Variants in PTGES3 observed in about 807,000 individuals in gnomAD.
PTGES3 encodes prostaglandin E synthase 3, also known as Hsp90 co-chaperone.
In PTGES3, 5 loss-of-function variants were observed where a neutral mutation model predicts 29.9. The ratio of observed to expected loss-of-function variants is 0.17; its 90% CI spans 0.09 to 0.35. The LOEUF is 0.35. Among genes scored for constraint, PTGES3 ranks in the 10% least tolerant of loss-of-function variants. The pLI, the probability that PTGES3 is intolerant of heterozygous loss-of-function variation, is 1.00. For synonymous variants in PTGES3, 49 were observed against 57.8 expected, an observed-to-expected ratio of 0.85 and a Z score of 0.69; for missense variants, 128 against 190.0, an observed-to-expected ratio of 0.67 and a Z score of 1.92.
intron 5 of PTGES3, among the ~76,000 whole-genome samples, chr12:56,668,994 C>T (rs1172381187): frequency 6.9e-6 from 1 of 145,748 alleles, no homozygotes; most frequent in Non-Finnish European, 1.5e-5. Context: ...TCATGGTAAA[C>T]ATTTCACCAT....
rs1325644863 is a variant in PTGES3, at chr12:56,687,143, T to TA, written c.2+854dup. ...AAAATGAAGACTGCCATAGAATCTG[T>TA]ATTCACCTCCACACAAATTTAAGAT... On this transcript the variant is annotated intron_variant, in intron 1 of 7. Transcript: ENST00000262033. 6 of 903,274 alleles carry TA rather than the reference T, an allele frequency of 6.6e-6. No homozygotes were observed. The East Asian group carries it at 2.5e-4, about 37-fold the overall frequency. The allele number at this position is 903,274 out of a possible 1,614,324, so 56.0% of individuals were successfully genotyped here.
Position 56,669,409 on chromosome 12 carries a change from G to A in PTGES3, c.375+866C>T, listed in dbSNP as rs570629348. 2.0e-5 allele frequency among the ~76,000 whole-genome samples: 3 copies of A among 152,156 alleles called. No homozygotes were observed. The South Asian group carries it at 6.2e-4, about 32-fold the overall frequency. ...CGCGATTCTCCTGCCTCAGCCTTCT[G>A]AGTAGCTGAGATTACAGGCGCCCGC... On this transcript the variant is annotated intron_variant, in intron 5 of 7. Transcript: ENST00000262033.
At chr12:56,679,107 AC>A (rs1336161232) in intron 1 of PTGES3, among the ~76,000 whole-genome samples, 3 of 152,040 alleles carry the variant, frequency 2.0e-5, no homozygotes, top group African/African-American at 7.2e-5. Context: ...ACATAGCAAG[AC>A]CCTGACTTAG....
chr12:56,684,166 C>T (rs952704086), intron 1 of PTGES3, among the ~76,000 whole-genome samples: 5 of 151,598 alleles, frequency 3.3e-5, no homozygotes, highest in African/African-American at 1.2e-4. Context: ...TTTTTTTTCC[C>T]CTGAAAAGAG....
chr12:56,665,238 A>G (rs1170932095), intron 6 of PTGES3: 3 of 984,866 alleles, frequency 3.0e-6, no homozygotes, highest in African/African-American at 3.5e-5. Flanking sequence ...AGATGTTGAG[A>G]AAAGTAGTTT....
At chr12:56,685,254 A>G (rs1952769597) in intron 1 of PTGES3, among the ~76,000 whole-genome samples, 1 of 152,210 alleles carries the variant, frequency 6.6e-6, no homozygotes, top group Non-Finnish European at 1.5e-5. Context: ...TAGCTTGTTA[A>G]GAGTCCCTGA....
At chr12:56,685,343 C>T (rs149251949) in intron 1 of PTGES3, among the ~76,000 whole-genome samples, 9 of 151,812 alleles carry the variant, frequency 5.9e-5, no homozygotes, top group Middle Eastern at 3.4e-3. Context: ...TCCCCCAGCC[C>T]AACACTCTTC....
intron 1 of PTGES3, among the ~76,000 whole-genome samples, chr12:56,684,350 A>C (rs1439583463): frequency 1.3e-5 from 2 of 152,224 alleles, no homozygotes; most frequent in African/African-American, 4.8e-5. Context: ...CACAGGAAGA[A>C]AAATTAAAAA....
intron 1 of PTGES3, among the ~76,000 whole-genome samples, chr12:56,679,050 T>C (rs1180779617): frequency 2.6e-5 from 4 of 152,006 alleles, no homozygotes. Flanking sequence ...ACAAGGAGTT[T>C]GAGGTTATAG....
At chr12:56,666,026 C>T in intron 6 of PTGES3, 178 bp downstream of exon 6, 1 of 1,374,642 alleles carries the variant, frequency 7.3e-7, no homozygotes, top group Non-Finnish European at 9.5e-7. Flanking sequence ...ACAACCAGTT[C>T]CCTAATAGAT....
chr12:56,672,726 T>C lies in PTGES3; in HGVS notation c.186+14A>G. 6.5e-7 allele frequency: 1 copy of C among 1,544,944 alleles called. No homozygotes were observed. The highest frequency in any genetic ancestry group is 8.7e-7 in the Non-Finnish European group (1 of 1,147,562). ...CACAACTAAAATTTGGATTAAAGCATAAAGACTACTTACATTTGGATCAAT... is the reference window on the plus strand; with the variant it reads ...CACAACTAAAATTTGGATTAAAGCACAAAGACTACTTACATTTGGATCAAT... On this transcript the variant is annotated intron_variant, in intron 3 of 7. Coordinates refer to ENST00000262033, the MANE Select transcript of PTGES3 (RefSeq NM_006601.7).
Position 56,664,793 on chromosome 12 carries a change from T to C in PTGES3, c.446A>G (p.Gln149Arg), listed in dbSNP as rs1951727504. ...PEVDGADDDSQDSDDEKMPDL... is the reference protein window; with the variant it reads ...PEVDGADDDSRDSDDEKMPDL... ...ACACTTACTTTCATCATCACTGTCT[T>C]GTGAATCCTGAAAGAGGGAAAATAA... Residue 149 changes from glutamine (Q) to arginine (R), a missense_variant, in exon 7 of 8, where the codon CAA becomes CGA. Gln to Arg is a conservative substitution (Grantham distance 43). Coordinates refer to ENST00000262033, the MANE Select transcript of PTGES3 (RefSeq NM_006601.7). 6.3e-7 allele frequency: 1 copy of C among 1,597,248 alleles called. No homozygotes were observed. The highest frequency in any genetic ancestry group is 1.3e-5 in the African/African-American group (1 of 74,382).
intron 1 of PTGES3, among the ~76,000 whole-genome samples, chr12:56,686,536 G>T (rs902277882): frequency 6.6e-6 from 1 of 151,892 alleles, no homozygotes; most frequent in African/African-American, 2.4e-5. Context: ...CACCACGCCC[G>T]GCTAATTTTT....
At chr12:56,676,719 T>C (rs1303774198) in intron 1 of PTGES3, among the ~76,000 whole-genome samples, 1 of 151,956 alleles carries the variant, frequency 6.6e-6, no homozygotes, top group African/African-American at 2.4e-5. Context: ...GGTAAATCAC[T>C]TGAAGTCAGC....
chr12:56,671,061 G>GT (rs1361714914), intron 4 of PTGES3, among the ~76,000 whole-genome samples: 12 of 152,076 alleles, frequency 7.9e-5, no homozygotes, highest in African/African-American at 2.9e-4. Context: ...AGTGAGCCAT[G>GT]TTCACACCAG....
chr12:56,673,158 G>T, intron 1 of PTGES3, 93 bp from the exon 2 acceptor site: 1 of 759,818 alleles, frequency 1.3e-6, no homozygotes, highest in Non-Finnish European at 2.0e-6. Context: ...ATTATTTCAG[G>T]GCAGTTTGTT....
intron 5 of PTGES3, among the ~76,000 whole-genome samples, chr12:56,667,892 G>C (rs1444102076): frequency 6.6e-6 from 1 of 152,222 alleles, no homozygotes; most frequent in Non-Finnish European, 1.5e-5. Context: ...TGGATCACCT[G>C]AGGTCAGGAG....
In PTGES3 at chr12:56,688,022, G is replaced by A; in HGVS notation, c.-23C>T. On this transcript the variant is annotated 5_prime_UTR_variant, in exon 1 of 8. Coordinates refer to ENST00000262033, the MANE Select transcript of PTGES3 (RefSeq NM_006601.7). ...CATTGTGAACGGGGCAGGGGGACGGGCGAACTGGTGGGCGGGCCTCTCTGG... is the reference window on the plus strand; with the variant it reads ...CATTGTGAACGGGGCAGGGGGACGGACGAACTGGTGGGCGGGCCTCTCTGG... 1 of 1,528,874 alleles carries A rather than the reference G, an allele frequency of 6.5e-7. No individual in the cohort carries two copies. Among genetic ancestry groups the A allele is most frequent in the Non-Finnish European group, 8.8e-7 (1 of 1,136,658 alleles). The allele number at this position is 1,528,874 out of a possible 1,614,324, so 94.7% of individuals were successfully genotyped here.
At chr12:56,671,103 TAAAA>T (rs201901653) in intron 4 of PTGES3, among the ~76,000 whole-genome samples, 5 of 149,454 alleles carry the variant, frequency 3.3e-5, no homozygotes. Context: ...TGAGACTACC[TAAAA>T]AAAAAGACTA....
Sources: gnomAD v4.1 joint callset for allele counts (sites outside exome capture counted in the v4.1 genomes callset) on GRCh38, gnomAD v4.1.1 for gene constraint, MANE v1.5 for transcripts, NCBI Gene and HGNC (gene_info 2026-07-23, HGNC 2026-07-21) for gene names.